Variants in ZNF385D observed in about 807,000 individuals in gnomAD.
ZNF385D encodes the protein zinc finger protein 659.
ZNF385D carries 15 observed loss-of-function variants against 35.8 expected under a neutral mutation model. The observed-to-expected ratio is 0.42, with a 90% CI of 0.28 to 0.64. The LOEUF is 0.64. Among genes scored for constraint, ZNF385D ranks in the 30% least tolerant of loss-of-function variants. The probability of loss-of-function intolerance (pLI) is 0.23; values close to 1 mark genes in which losing one functional copy is unlikely to be tolerated. For missense variants in ZNF385D, 474 were observed against 494.6 expected (o/e 0.96, Z 0.39); for synonymous variants, 212 against 186.8 (o/e 1.13, Z -1.10).
rs1290267953 is a variant in ZNF385D at position 22,214,633 on chromosome 3, T to A, written c.107-45598A>T. 1.1e-4 allele frequency among the ~76,000 whole-genome samples: 16 copies of A among 152,084 alleles called. 1 individual carries two copies. In the South Asian group the frequency reaches 1.7e-3, roughly 16 times the overall value. On this transcript the variant is annotated intron_variant, in intron 2 of 5. Coordinates refer to the ZNF385D transcript ENST00000494108. ...GCCGCTTCAGGGGGTGGCCATCTTT[T>A]ATGGTCAAGCTGTATGGATGAAATA...
At chr3:21,753,418 C>T (rs1333441093), upstream of ZNF385D, among the ~76,000 whole-genome samples, 1 of 152,180 alleles carries the variant, frequency 6.6e-6, no homozygotes, top group East Asian at 1.9e-4. Flanking sequence ...ACAAATACAT[C>T]AGCAGGGAGC....
At chr3:22,096,848 T>A (rs553073841) in intron 3 of ZNF385D, among the ~76,000 whole-genome samples, 1 of 152,110 alleles carries the variant, frequency 6.6e-6, no homozygotes, top group Admixed American at 6.6e-5. Flanking sequence ...TGAGAGAAAC[T>A]GTGCCTTTCC....
chr3:21,742,126 T>C (rs2069544897), intron 1 of ZNF385D, among the ~76,000 whole-genome samples: 1 of 152,242 alleles, frequency 6.6e-6, no homozygotes, highest in African/African-American at 2.4e-5. Context: ...GGTCCATTTA[T>C]ACAGTGCTTT....
intron 3 of ZNF385D, among the ~76,000 whole-genome samples, chr3:21,971,068 G>A (rs1320441973): frequency 2.0e-5 from 3 of 151,964 alleles, no homozygotes; most frequent in African/African-American, 7.3e-5. Context: ...AATACTAAAG[G>A]GAGCTCTTCA....
intron 3 of ZNF385D, among the ~76,000 whole-genome samples, chr3:21,516,613 T>C (rs7642500): frequency 0.64 from 97,800 of 151,964 alleles, 31,604 homozygotes; most frequent in South Asian, 0.72. Flanking sequence ...GGGCCTTTCT[T>C]TATATACTTT....
intron 2 of ZNF385D, among the ~76,000 whole-genome samples, chr3:22,254,685 G>C (rs1224552982): frequency 6.6e-6 from 1 of 151,532 alleles, no homozygotes; most frequent in Non-Finnish European, 1.5e-5. Context: ...TTTATAAATT[G>C]GGCACAGGAA....
chr3:21,682,580 G>T (rs926725382), intron 1 of ZNF385D, among the ~76,000 whole-genome samples: 2 of 150,000 alleles, frequency 1.3e-5, no homozygotes, highest in African/African-American at 2.5e-5. Context: ...GAAAGTCAAG[G>T]GTTAATCTTT....
At chr3:22,340,982 C>T (rs571903223) in intron 2 of ZNF385D, among the ~76,000 whole-genome samples, 3 of 152,308 alleles carry the variant, frequency 2.0e-5, no homozygotes, top group South Asian at 2.1e-4. Context: ...TCATGGTCTA[C>T]TTACCACATA....
At chr3:21,670,647 G>GCCCACCCC (rs1575432248) in intron 1 of ZNF385D, among the ~76,000 whole-genome samples, 1 of 15,758 alleles carries the variant, frequency 6.3e-5, no homozygotes, top group African/African-American at 2.5e-4. Flanking sequence ...GAAATCCTAA[G>GCCCACCCC]GCGCCCCCCC....
At chr3:22,107,848 G>A (rs1702306387) in intron 3 of ZNF385D, among the ~76,000 whole-genome samples, 1 of 151,920 alleles carries the variant, frequency 6.6e-6, no homozygotes, top group Non-Finnish European at 1.5e-5. Context: ...TGGTTTGAAT[G>A]TGTCTGCTTC....
chr3:22,327,793 C>A (rs1454943518), intron 2 of ZNF385D, among the ~76,000 whole-genome samples: 1 of 152,136 alleles, frequency 6.6e-6, no homozygotes, highest in South Asian at 2.1e-4. Flanking sequence ...TGTGATTTAT[C>A]GACTTTGTCC....
rs775061043 is a variant in ZNF385D, at chr3:21,789,791, C to T, written c.326-124763G>A. The stretch of plus-strand genomic sequence containing the variant: ...CTTAAAATATTCAGCAAGATAGCTG[C>T]ATCATCACTTATACCGTAACCAATT... On this transcript the variant is annotated intron_variant, in intron 3 of 5. Transcript: ENST00000494108. Among the ~76,000 whole-genome samples, 53 of 152,174 alleles carry T rather than the reference C, an allele frequency of 3.5e-4. 1 individual carries two copies. Among genetic ancestry groups the T allele is most frequent in the Non-Finnish European group, 1.2e-4 (8 of 68,028 alleles).
chr3:22,072,539 T>A (rs984025894), intron 3 of ZNF385D, among the ~76,000 whole-genome samples: 2 of 151,948 alleles, frequency 1.3e-5, no homozygotes, highest in Non-Finnish European at 2.9e-5. Flanking sequence ...TCTATGGAGA[T>A]TGGTTATAGA....
chr3:21,734,791 T>A (rs1575558764), intron 1 of ZNF385D, among the ~76,000 whole-genome samples: 1 of 152,188 alleles, frequency 6.6e-6, no homozygotes, highest in African/African-American at 2.4e-5. Context: ...TGTTGTGGGA[T>A]TAGCTTGTCT....
At chr3:21,834,403 G>C (rs1695194002) in intron 3 of ZNF385D, among the ~76,000 whole-genome samples, 1 of 152,074 alleles carries the variant, frequency 6.6e-6, no homozygotes, top group South Asian at 2.1e-4. Flanking sequence ...GTTCTGTTTT[G>C]CTTATCTGGA....
chr3:22,170,424 A>C (rs1340896761), intron 2 of ZNF385D, among the ~76,000 whole-genome samples: 1 of 152,250 alleles, frequency 6.6e-6, no homozygotes, highest in Non-Finnish European at 1.5e-5. Context: ...GAACTCCACC[A>C]AAAATGGCTA....
chr3:22,164,612 T>G (rs1383642817), intron 3 of ZNF385D, among the ~76,000 whole-genome samples: 1 of 146,882 alleles, frequency 6.8e-6, no homozygotes, highest in African/African-American at 2.4e-5. Flanking sequence ...AAGGGACTTT[T>G]TTTTTTTTTT....
At chr3:21,541,172 G>A (rs191042595) in intron 3 of ZNF385D, among the ~76,000 whole-genome samples, 125 of 152,310 alleles carry the variant, frequency 8.2e-4, no homozygotes, top group African/African-American at 3.0e-3. Context: ...CAAATGCAGT[G>A]TGTAATTTAT....
chr3:21,668,421 C>G (rs2066468891), intron 1 of ZNF385D, among the ~76,000 whole-genome samples: 1 of 152,198 alleles, frequency 6.6e-6, no homozygotes, highest in African/African-American at 2.4e-5. Context: ...CCTTCCTCTT[C>G]CCAATCCTAT....
Sources: gnomAD v4.1 joint callset for allele counts (sites outside exome capture counted in the v4.1 genomes callset) on GRCh38, gnomAD v4.1.1 for gene constraint, MANE v1.5 for transcripts, NCBI Gene and HGNC (gene_info 2026-07-23, HGNC 2026-07-21) for gene names.